AACS: variants seen among roughly 807,000 people sequenced by gnomAD.
AACS encodes acetoacetyl-CoA synthetase, also known as acetoacetate-CoA ligase.
A neutral mutation model predicts 83.1 loss-of-function variants in AACS; 69 were observed. That is an observed-to-expected ratio of 0.83 (90% CI 0.68 to 1.01). The LOEUF (loss-of-function observed/expected upper bound fraction) is 1.01. Ranked by LOEUF, AACS falls within the 50% of genes least tolerant of loss-of-function variation. The pLI, the probability that AACS is intolerant of heterozygous loss-of-function variation, is 0.00. For missense variants in AACS, 866 were observed against 882.2 expected (o/e 0.98, Z 0.23); for synonymous variants, 333 against 343.4 (o/e 0.97, Z 0.33).
At chr12:125,083,652 T>TTTTG (rs769414215) in intron 3 of AACS, among the ~76,000 whole-genome samples, 1 of 151,998 alleles carries the variant, frequency 6.6e-6, no homozygotes, top group Non-Finnish European at 1.5e-5. Context: ...AAGTGAATTT[T>TTTTG]TTTGTTTGTT....
Position 125,088,985 on chromosome 12 carries a change from C to A in AACS, c.473-2441C>A, listed in dbSNP as rs550053357. ...ATGGAGTTAAAGCTGCGCCTAGCTC[C>A]GTTTTCCTTTGTCTGTGAAGTGGTT... is the stretch of plus-strand genomic sequence containing the variant. On this transcript the variant is annotated intron_variant, in intron 4 of 17. Coordinates refer to ENST00000316519, the MANE Select transcript of AACS (RefSeq NM_023928.5). Among the ~76,000 whole-genome samples, 5 of 152,162 alleles carry A rather than the reference C, an allele frequency of 3.3e-5. No homozygotes were observed. The South Asian group carries it at 1.0e-3, about 32-fold the overall frequency.
intron 5 of AACS, among the ~76,000 whole-genome samples, chr12:125,092,200 C>T (rs1027982387): frequency 3.3e-5 from 5 of 152,256 alleles, no homozygotes; most frequent in African/African-American, 4.8e-5. Flanking sequence ...GAGCCTTGAG[C>T]GTCAGGGACC....
chr12:125,112,213 T>C (rs749301437), intron 8 of AACS, among the ~76,000 whole-genome samples: 21 of 152,280 alleles, frequency 1.4e-4, no homozygotes, highest in Admixed American at 1.0e-3. Flanking sequence ...CATGTAACTT[T>C]CTAAGAAGCT....
At chr12:125,082,542 G>A (rs1956217712) in intron 3 of AACS, among the ~76,000 whole-genome samples, 1 of 89,284 alleles carries the variant, frequency 1.1e-5, no homozygotes, top group African/African-American at 4.6e-5. Context: ...GAGACAATTC[G>A]CCAGCACGGT....
At chr12:125,087,408 A>G (rs1219959308) in intron 4 of AACS, among the ~76,000 whole-genome samples, 1 of 152,256 alleles carries the variant, frequency 6.6e-6, no homozygotes, top group Non-Finnish European at 1.5e-5. Context: ...AGGCCTGTGC[A>G]TGGACCTGTT....
chr12:125,096,110 G>A (rs1956601331), intron 5 of AACS, among the ~76,000 whole-genome samples: 3 of 152,148 alleles, frequency 2.0e-5, no homozygotes, highest in African/African-American at 7.2e-5. Context: ...GACTACAGGC[G>A]CCTGCCACCA....
chr12:125,091,306 C>G (rs1956479960), intron 4 of AACS, 120 bp from the exon 5 acceptor site: 2 of 944,006 alleles, frequency 2.1e-6, no homozygotes, highest in South Asian at 2.9e-5. Context: ...TCAGGATCCT[C>G]AGGCAGTTCA....
chr12:125,116,911 C>T (rs533283489), intron 9 of AACS, among the ~76,000 whole-genome samples: 5 of 149,220 alleles, frequency 3.4e-5, no homozygotes, highest in African/African-American at 4.9e-5. Flanking sequence ...CTTCCTTTCC[C>T]GTTTTCCCTT....
intron 5 of AACS, among the ~76,000 whole-genome samples, chr12:125,099,160 T>A (rs926715839): frequency 6.6e-6 from 1 of 152,250 alleles, no homozygotes; most frequent in African/African-American, 2.4e-5. Context: ...AAGATAATCA[T>A]GCGATTTCCC....
At chr12:125,088,250 G>A (rs1369705731) in intron 4 of AACS, among the ~76,000 whole-genome samples, 2 of 88,166 alleles carry the variant, frequency 2.3e-5, no homozygotes, top group African/African-American at 8.5e-5. Flanking sequence ...TTTTCTTTTT[G>A]AGACAGGGTC....
Position 125,142,406 on chromosome 12 carries a change from C to T in AACS, c.*177C>T. On this transcript the variant is annotated 3_prime_UTR_variant, in exon 18 of 18. Transcript: ENST00000316519. ...TAAATCTGGTGGGTACCTGGATCTT[C>T]CACACGAGTGGGATTCTGGCCTTCA... is the stretch of plus-strand genomic sequence containing the variant. The T allele has an allele frequency of 1.1e-6, 1 of 872,540 alleles. No homozygotes were observed. 54.0% of individuals were successfully genotyped at this position (872,540 alleles called of 1,614,324 possible). A position where few individuals can be genotyped will look rare whatever the true frequency, so the allele number is the denominator to read the frequency against.
intron 16 of AACS, chr12:125,135,747 T>A (rs999910089): frequency 6.6e-6 from 1 of 152,322 alleles, no homozygotes; most frequent in African/African-American, 2.4e-5. Context: ...GCTTTCTTTT[T>A]TAAAAAAATT....
At chr12:125,081,392 C>G (rs769233568) in intron 3 of AACS, among the ~76,000 whole-genome samples, 1 of 152,200 alleles carries the variant, frequency 6.6e-6, no homozygotes, top group Admixed American at 6.5e-5. Context: ...AATCGCATCC[C>G]TTACTTAAGC....
At chr12:125,079,287 T>C (rs1221571785) in intron 3 of AACS, among the ~76,000 whole-genome samples, 5 of 152,024 alleles carry the variant, frequency 3.3e-5, no homozygotes, top group African/African-American at 1.2e-4. Context: ...AAGGGCTGGG[T>C]GATCCCGTGG....
chr12:125,084,584 T>C (rs1956286261), intron 3 of AACS, among the ~76,000 whole-genome samples: 1 of 150,998 alleles, frequency 6.6e-6, no homozygotes, highest in Non-Finnish European at 1.5e-5. Context: ...TTAAATTTTT[T>C]TTTTTTTTTT....
At chr12:125,104,908 A>G (rs1956799542) in intron 7 of AACS, among the ~76,000 whole-genome samples, 1 of 150,810 alleles carries the variant, frequency 6.6e-6, no homozygotes, top group African/African-American at 2.4e-5. Context: ...GCATGGTGCC[A>G]GCATCTGCTT....
Position 125,129,845 on chromosome 12 carries a change from C to T in AACS, c.1549+385C>T, listed in dbSNP as rs1045424749. Among the ~76,000 whole-genome samples, 5 of 152,094 alleles carry T rather than the reference C, an allele frequency of 3.3e-5. No individual in the cohort carries two copies. Among genetic ancestry groups the T allele is most frequent in the African/African-American group, 7.2e-5 (3 of 41,414 alleles). ...TGGCATGTGGAAGTGGCGTCTGGCT[C>T]GGGTCTCTTCCTTCGTGTCTCTCAC... On this transcript the variant is annotated intron_variant, in intron 14 of 17. Coordinates refer to ENST00000316519, the MANE Select transcript of AACS (RefSeq NM_023928.5). This position sits in a 1 kb window ranked among gnomAD's most constrained non-coding sequence, Gnocchi z 4.3.
In AACS at chr12:125,086,190, T is replaced by C. The variant is rs1592955523; in HGVS notation, c.359-140T>C. ...GAGGTTAAGTTGACCTGTATCTTGC[T>C]TGTGTTCCCTGCGTCTGTTTTCCCT... is the stretch of plus-strand genomic sequence containing the variant. On this transcript the variant is annotated intron_variant, in intron 3 of 17. Coordinates refer to ENST00000316519, the MANE Select transcript of AACS (RefSeq NM_023928.5). 4 of 680,804 alleles carry C rather than the reference T, an allele frequency of 5.9e-6. No individual in the cohort carries two copies. The East Asian group carries it at 1.1e-4, about 18-fold the overall frequency. 42.2% of individuals were successfully genotyped at this position (680,804 alleles called of 1,614,324 possible).
Position 125,091,293 on chromosome 12 carries a change from T to C in AACS, c.473-133T>C, listed in dbSNP as rs111733058. On this transcript the variant is annotated intron_variant, in intron 4 of 17. Transcript: ENST00000316519. ...GGCGATTCATCTGGGCGGGGGCTGG[T>C]GGTCAGGATCCTCAGGCAGTTCAAG... 9.4e-5 allele frequency: 75 copies of C among 799,098 alleles called. 1 individual carries two copies. The African/African-American group carries it at 1.1e-3, about 11-fold the overall frequency. 49.5% of individuals were successfully genotyped at this position (799,098 alleles called of 1,614,324 possible). A position where few individuals can be genotyped will look rare whatever the true frequency, so the allele number is the denominator to read the frequency against.
Sources: gnomAD v4.1 joint callset for allele counts (sites outside exome capture counted in the v4.1 genomes callset) on GRCh38, gnomAD v4.1.1 for gene constraint, Gnocchi (gnomAD v3.1) non-coding constraint, MANE v1.5 for transcripts, NCBI Gene and HGNC (gene_info 2026-07-23, HGNC 2026-07-21) for gene names.